Variants in NEK1 observed in about 807,000 individuals in gnomAD.
NEK1 encodes NIMA related kinase 1.
Under a neutral mutation model 182.1 loss-of-function variants are expected in NEK1, and 137 were observed. That is an observed-to-expected ratio of 0.75 (90% CI 0.65 to 0.87). The LOEUF (loss-of-function observed/expected upper bound fraction) is 0.87. Ranked by LOEUF, NEK1 falls within the 40% of genes least tolerant of loss-of-function variation. The pLI is 0.00. For missense variants in NEK1, 1,391 were observed against 1,494.4 expected (o/e 0.93, Z 1.14); for synonymous variants, 513 against 492.2 (o/e 1.04, Z -0.56).
rs772760832 is a variant in NEK1 at position 169,401,815 on chromosome 4, C to T, written c.3420G>A (p.Ser1140=). Residue 1140 remains serine, a synonymous_variant, in exon 33 of 36, where the codon TCG becomes TCA. Coordinates refer to ENST00000507142, the MANE Select transcript of NEK1 (RefSeq NM_001199397.3). The part of the protein sequence containing the change: ...TDTDLQELQA[S]MEQLLREQPG... ...GTTGTTCCCTAAGTAACTGTTCCAT[C>T]GAGGCCTGCAGCTCTTGTAAATCTG... 6.2e-6 allele frequency: 10 copies of T among 1,613,466 alleles called. No homozygotes were observed. In the Admixed American group the frequency reaches 8.3e-5, roughly 13 times the overall value.
rs374328475 is a variant in NEK1, at chr4:169,576,354, G to A, written c.1020+574C>T. Among the ~76,000 whole-genome samples, 39 of 152,302 alleles carry A rather than the reference G, an allele frequency of 2.6e-4. No individual in the cohort carries two copies. The South Asian group carries it at 8.1e-3, about 32-fold the overall frequency. ...TGTATACATACATATCTAAGGCTGT[G>A]TATATGTATATGTATGTGTATGTAA... On this transcript the variant is annotated intron_variant, in intron 12 of 35. Transcript: ENST00000507142.
intron 18 of NEK1, 34 bp from the exon 19 acceptor site, chr4:169,537,945 G>T (rs1464907051): frequency 1.4e-6 from 2 of 1,424,188 alleles, no homozygotes; most frequent in Admixed American, 2.2e-5. Context: ...CAGCCATCCT[G>T]AACAGAAAAT....
At chr4:169,429,181 C>T (rs1033877909) in intron 29 of NEK1, among the ~76,000 whole-genome samples, 4 of 152,156 alleles carry the variant, frequency 2.6e-5, no homozygotes, top group African/African-American at 4.8e-5. Flanking sequence ...ACGAAGGATA[C>T]TGGAACCAAT....
At chr4:169,544,599 G>GTTTTTTTTTTTTT (rs139478702) in intron 18 of NEK1, among the ~76,000 whole-genome samples, 1 of 66,268 alleles carries the variant, frequency 1.5e-5, no homozygotes, top group Non-Finnish European at 2.8e-5. Flanking sequence ...TCTGGTCATG[G>GTTTTTTTTTTTTT]TTTTTTTTTT....
intron 31 of NEK1, among the ~76,000 whole-genome samples, chr4:169,416,288 C>G (rs536983144): frequency 1.3e-5 from 2 of 152,334 alleles, no homozygotes; most frequent in East Asian, 3.9e-4. Context: ...CAGACTTAAT[C>G]ATTTCCTCTT....
intron 26 of NEK1, among the ~76,000 whole-genome samples, chr4:169,469,137 T>TA (rs1415746081): frequency 6.6e-6 from 1 of 152,156 alleles, no homozygotes; most frequent in East Asian, 1.9e-4. Flanking sequence ...GCTCTGATCT[T>TA]AGTTATTTCT....
At chr4:169,502,958 T>TTAA (rs1478138315) in intron 23 of NEK1, among the ~76,000 whole-genome samples, 1 of 151,816 alleles carries the variant, frequency 6.6e-6, no homozygotes, top group East Asian at 1.9e-4. Flanking sequence ...TGTGGACAAT[T>TTAA]TAATTCTGTA....
chr4:169,595,043 A>G (rs1037418237), intron 5 of NEK1, among the ~76,000 whole-genome samples: 28 of 152,236 alleles, frequency 1.8e-4, no homozygotes, highest in African/African-American at 6.3e-4. Flanking sequence ...AAGCTCCTGA[A>G]AAGGACTACA....
At chr4:169,494,733 A>G (rs1366596607) in intron 23 of NEK1, among the ~76,000 whole-genome samples, 2 of 152,124 alleles carry the variant, frequency 1.3e-5, no homozygotes, top group African/African-American at 4.8e-5. Context: ...AAGTGTTCCT[A>G]TTTCTCCACA....
chr4:169,446,047 G>A (rs1410361826), intron 27 of NEK1, among the ~76,000 whole-genome samples: 1 of 151,858 alleles, frequency 6.6e-6, no homozygotes, highest in Non-Finnish European at 1.5e-5. Context: ...TGGAAGTAGA[G>A]AGCAGAATGG....
At chr4:169,426,924 GA>G (rs1192220677) in intron 29 of NEK1, among the ~76,000 whole-genome samples, 4 of 148,250 alleles carry the variant, frequency 2.7e-5, no homozygotes, top group African/African-American at 9.9e-5. Flanking sequence ...TAAGATTGAG[GA>G]AAAAAAAATA....
intron 16 of NEK1, 44 bp from the exon 17 acceptor site, chr4:169,556,139 C>T: frequency 6.4e-7 from 1 of 1,561,184 alleles, no homozygotes; most frequent in East Asian, 2.3e-5. Flanking sequence ...TCTTATAAGG[C>T]CTAACAGGCC....
chr4:169,415,040 T>C (rs961607497), intron 31 of NEK1, among the ~76,000 whole-genome samples: 1 of 152,180 alleles, frequency 6.6e-6, no homozygotes, highest in Non-Finnish European at 1.5e-5. Context: ...ACCAACAACA[T>C]AGAGCACTGC....
At chr4:169,591,573 T>C (rs1246583003) in intron 5 of NEK1, among the ~76,000 whole-genome samples, 1 of 152,124 alleles carries the variant, frequency 6.6e-6, no homozygotes, top group Non-Finnish European at 1.5e-5. Flanking sequence ...ACATTTATTA[T>C]ATATAAACAC....
At chr4:169,413,207 A>C (rs1733966035) in intron 31 of NEK1, among the ~76,000 whole-genome samples, 1 of 150,390 alleles carries the variant, frequency 6.6e-6, no homozygotes, top group Admixed American at 6.6e-5. Context: ...ACGCTCTGTC[A>C]TCCAGGCTGG....
Position 169,424,791 on chromosome 4 carries a change from G to C in NEK1, c.2984C>G (p.Thr995Ser). Residue 995 changes from threonine (T) to serine (S), a missense_variant, in exon 31 of 36, where the codon ACC (threonine) becomes AGC (serine). Thr to Ser is a moderately conservative substitution (Grantham distance 58, BLOSUM62 1). Coordinates refer to ENST00000507142, the MANE Select transcript of NEK1 (RefSeq NM_001199397.3). ...QLSDIHIEPG[T>S]NDSQHSKCDV... ...ACATTTAGAGTGCTGAGAATCATTG[G>C]TTCCAGGCTCTGTGGTAGAAAGGAG... is the stretch of plus-strand genomic sequence containing the variant. The C allele has an allele frequency of 5.0e-6, 8 of 1,604,208 alleles. No homozygotes were observed. The highest frequency in any genetic ancestry group is 6.8e-6 in the Non-Finnish European group (8 of 1,171,904).
chr4:169,449,778 G>T (rs1489744715), intron 27 of NEK1, among the ~76,000 whole-genome samples: 1 of 152,212 alleles, frequency 6.6e-6, no homozygotes, highest in Non-Finnish European at 1.5e-5. Context: ...CTCCTCCAAA[G>T]AATCACAGCT....
chr4:169,600,662 A>G lies in NEK1; in HGVS notation c.214+1346T>C, dbSNP rs558367759. 9.2e-5 allele frequency among the ~76,000 whole-genome samples: 14 copies of G among 152,292 alleles called. No homozygotes were observed. In the South Asian group the frequency reaches 2.1e-3, roughly 23 times the overall value. On this transcript the variant is annotated intron_variant, in intron 4 of 35. Transcript: ENST00000507142. ...TTTTTATGATTGACCTGGAAAGATC[A>G]TCCAAATATACATGTGAGAAATTAT... is the stretch of plus-strand genomic sequence containing the variant.
intron 10 of NEK1, among the ~76,000 whole-genome samples, chr4:169,584,448 C>CA (rs1767194036): frequency 1.3e-5 from 2 of 151,728 alleles, no homozygotes; most frequent in African/African-American, 4.8e-5. Flanking sequence ...TCTGCCTCTA[C>CA]AAAAAATACA....
Sources: gnomAD v4.1 joint callset for allele counts (sites outside exome capture counted in the v4.1 genomes callset) on GRCh38, gnomAD v4.1.1 for gene constraint, MANE v1.5 for transcripts, NCBI Gene and HGNC (gene_info 2026-07-23, HGNC 2026-07-21) for gene names.